The following PTPRJ variants were observed in gnomAD, a reference collection of about 807,000 sequenced individuals.
PTPRJ encodes receptor-type tyrosine-protein phosphatase eta.
Under a neutral mutation model 141.3 loss-of-function variants are expected in PTPRJ, and 129 were observed. The ratio of observed to expected loss-of-function variants is 0.91; its 90% CI spans 0.79 to 1.06. PTPRJ has a LOEUF of 1.06. Among genes scored for constraint, PTPRJ ranks in the 50% least tolerant of loss-of-function variants. PTPRJ has a pLI of 0.00. For synonymous variants in PTPRJ, 610 were observed against 640.5 expected (o/e 0.95, Z 0.72); for missense variants, 1,601 against 1,679.7 (o/e 0.95, Z 0.82).
chr11:48,026,684 G>A (rs1016006819), intron 1 of PTPRJ, among the ~76,000 whole-genome samples: 3 of 152,036 alleles, frequency 2.0e-5, no homozygotes, highest in African/African-American at 4.8e-5. Flanking sequence ...TCCTGACCTT[G>A]TGATCCGCCT....
chr11:48,071,782 T>C (rs1855263495), intron 1 of PTPRJ, among the ~76,000 whole-genome samples: 1 of 151,136 alleles, frequency 6.6e-6, no homozygotes, highest in South Asian at 2.1e-4. Flanking sequence ...TTTTGTATTT[T>C]CAGTAGAGAC....
intron 1 of PTPRJ, among the ~76,000 whole-genome samples, chr11:48,078,360 A>T (rs994182053): frequency 6.6e-6 from 1 of 152,092 alleles, no homozygotes. Flanking sequence ...GCCCGGCCTG[A>T]TGGATTCAGT....
At chr11:48,132,364 C>G (rs1249755409) in intron 8 of PTPRJ, 1 of 971,560 alleles carries the variant, frequency 1.0e-6, no homozygotes, top group African/African-American at 1.8e-5. Flanking sequence ...GACCCTGTCT[C>G]AAAAAAAAAT....
chr11:47,981,066 C>T, intron 1 of PTPRJ, 58 bp downstream of exon 1: 1 of 1,200,732 alleles, frequency 8.3e-7, no homozygotes, highest in Non-Finnish European at 1.0e-6. Flanking sequence ...CTGGCATTGA[C>T]TGCACCTGCC....
intron 1 of PTPRJ, among the ~76,000 whole-genome samples, chr11:47,990,310 A>G (rs1854154649): frequency 6.6e-6 from 1 of 152,258 alleles, no homozygotes; most frequent in African/African-American, 2.4e-5. Flanking sequence ...AGGTGAATAT[A>G]GATACTTGTG....
intron 19 of PTPRJ, among the ~76,000 whole-genome samples, chr11:48,155,001 G>C (rs1857568120): frequency 6.6e-6 from 1 of 152,138 alleles, no homozygotes; most frequent in South Asian, 2.1e-4. Context: ...AGAGGAGGGT[G>C]AGGTAGTACA....
At chr11:48,099,846 C>T (rs1856108459) in intron 1 of PTPRJ, among the ~76,000 whole-genome samples, 1 of 152,126 alleles carries the variant, frequency 6.6e-6, no homozygotes, top group Non-Finnish European at 1.5e-5. Flanking sequence ...AAGAGGATTG[C>T]AGAACAGCGG....
chr11:48,127,748 G>C lies in PTPRJ; in HGVS notation c.1094-32G>C, dbSNP rs538154652. ...TCCCTCCCTCTGCCTTGGCCGTTCTGGTTATTTTGAACTCCTCTTGTGTTC... is the reference window on the plus strand; with the variant it reads ...TCCCTCCCTCTGCCTTGGCCGTTCTCGTTATTTTGAACTCCTCTTGTGTTC... On this transcript the variant is annotated intron_variant, in intron 6 of 24. Transcript: ENST00000418331. 8.7e-6 allele frequency: 14 copies of C among 1,606,744 alleles called. No homozygotes were observed. The South Asian group carries it at 1.4e-4, about 17-fold the overall frequency.
chr11:48,046,910 A>ATTTTT lies in PTPRJ; in HGVS notation c.97-63147_97-63146insTTTTT, dbSNP rs1281439545. Among the ~76,000 whole-genome samples, 46 of 87,088 alleles carry ATTTTT rather than the reference A, an allele frequency of 5.3e-4. 1 individual carries two copies. Among genetic ancestry groups the ATTTTT allele is most frequent in the African/African-American group, 3.3e-3 (43 of 12,876 alleles). The allele number at this position is 87,088 out of a possible 152,430, so 57.1% of individuals were successfully genotyped here. ...TTTACATATATATATATATATATAT[A>ATTTTT]TATTTTTTTTTTTTTTTTTTTTTGA... is the stretch of plus-strand genomic sequence containing the variant. On this transcript the variant is annotated intron_variant, in intron 1 of 24. Transcript: ENST00000418331.
intron 1 of PTPRJ, among the ~76,000 whole-genome samples, chr11:48,027,171 A>T (rs540149646): frequency 5.4e-5 from 8 of 148,436 alleles, no homozygotes; most frequent in Admixed American, 5.4e-4. Flanking sequence ...CGCCCAGCTA[A>T]TTTTTTTTTG....
chr11:48,102,312 T>A (rs2134314457), intron 1 of PTPRJ, among the ~76,000 whole-genome samples: 1 of 152,314 alleles, frequency 6.6e-6, no homozygotes, highest in South Asian at 2.1e-4. Flanking sequence ...GAAGCGAGGC[T>A]GACACTCAGA....
chr11:48,154,242 T>C (rs1350494924), intron 19 of PTPRJ, among the ~76,000 whole-genome samples: 1 of 152,228 alleles, frequency 6.6e-6, no homozygotes, highest in Non-Finnish European at 1.5e-5. Flanking sequence ...CCAGAGTCTG[T>C]GTTCTTAACC....
rs533914708 is a variant in PTPRJ, at chr11:48,143,092, G to A, written c.2575+42G>A. ...GTGGGTTAAACAGCCCATGAGTGAT[G>A]CAGTGACCAGAGCTTTCTCTGTGCC... On this transcript the variant is annotated intron_variant, in intron 12 of 24. Coordinates refer to ENST00000418331, the MANE Select transcript of PTPRJ (RefSeq NM_002843.4). 712 of 1,608,532 alleles carry A rather than the reference G, an allele frequency of 4.4e-4. 11 individuals are homozygous for A. In the South Asian group the frequency reaches 7.4e-3, roughly 17 times the overall value.
intron 1 of PTPRJ, among the ~76,000 whole-genome samples, chr11:47,989,641 G>T (rs1854140351): frequency 6.6e-6 from 1 of 151,766 alleles, no homozygotes; most frequent in Admixed American, 6.6e-5. Flanking sequence ...TCTATAGATA[G>T]ATAGATATAG....
rs539798846 is a variant in PTPRJ, at chr11:48,145,025, A to G, written c.2812A>G (p.Ile938Val). Residue 938 changes from isoleucine (I) to valine (V), a missense_variant, in exon 14 of 25, where the codon ATT (isoleucine) becomes GTT (valine). Coordinates refer to ENST00000418331, the MANE Select transcript of PTPRJ (RefSeq NM_002843.4). ...GGCTTGTGTGGCTGGCTTCACCAAC[A>G]TTACCTTCCACCCTCAAAACAAGGG... Reference protein sequence around the residue: ...YRACVAGFTNITFHPQNKGLI... With the variant: ...YRACVAGFTNVTFHPQNKGLI... 5.3e-5 allele frequency: 86 copies of G among 1,614,116 alleles called. 1 individual carries two copies. In the Middle Eastern group the frequency reaches 2.5e-3, roughly 46 times the overall value.
At chr11:48,031,358 T>C (rs1051260417) in intron 1 of PTPRJ, among the ~76,000 whole-genome samples, 1 of 152,142 alleles carries the variant, frequency 6.6e-6, no homozygotes, top group African/African-American at 2.4e-5. Context: ...GTCTCTTGGC[T>C]CTCTGAGCTT....
At chr11:48,082,395 C>T (rs1855582644) in intron 1 of PTPRJ, among the ~76,000 whole-genome samples, 1 of 149,778 alleles carries the variant, frequency 6.7e-6, no homozygotes, top group African/African-American at 2.4e-5. Context: ...AGGCTTACAC[C>T]ACCATACCTG....
At chr11:48,021,713 A>C (rs1027536036) in intron 1 of PTPRJ, among the ~76,000 whole-genome samples, 1 of 152,242 alleles carries the variant, frequency 6.6e-6, no homozygotes, top group Non-Finnish European at 1.5e-5. Context: ...AAGATGCTTT[A>C]ATATGAGTCT....
chr11:48,063,969 G>A (rs1287796554), intron 1 of PTPRJ, among the ~76,000 whole-genome samples: 2 of 150,968 alleles, frequency 1.3e-5, no homozygotes, highest in African/African-American at 2.4e-5. Flanking sequence ...TCATATTTTG[G>A]CTTTAGTTTT....
Sources: gnomAD v4.1 joint callset for allele counts (sites outside exome capture counted in the v4.1 genomes callset) on GRCh38, gnomAD v4.1.1 for gene constraint, MANE v1.5 for transcripts, NCBI Gene and HGNC (gene_info 2026-07-23, HGNC 2026-07-21) for gene names.